The following BSND variants were observed in gnomAD, a reference collection of about 807,000 sequenced individuals.
BSND encodes barttin CLCNK type accessory subunit beta.
BSND carries 13 observed loss-of-function variants against 18.8 expected under a neutral mutation model. The ratio of observed to expected loss-of-function variants is 0.69; its 90% CI spans 0.45 to 1.10. The LOEUF (loss-of-function observed/expected upper bound fraction) is 1.10. Ranked by LOEUF, BSND falls within the 50% of genes least tolerant of loss-of-function variation. The probability of loss-of-function intolerance (pLI) is 0.00; values close to 1 mark genes in which losing one functional copy is unlikely to be tolerated. For missense variants in BSND, 379 were observed against 416.7 expected (o/e 0.91, Z 0.79); for synonymous variants, 170 against 161.8 (o/e 1.05, Z -0.39).
At position 55,008,709 on chromosome 1, in the gene BSND, G is replaced by A; in HGVS notation, c.*81G>A. On this transcript the variant is annotated 3_prime_UTR_variant, in exon 4 of 4. Transcript: ENST00000651561. ...TCACAGGGCCTCAGTTTCCCTATCTGCAAAATGGGATGATATGGAGGTTCA... is the reference window on the plus strand; with the variant it reads ...TCACAGGGCCTCAGTTTCCCTATCTACAAAATGGGATGATATGGAGGTTCA... The A allele has an allele frequency of 6.3e-7, 1 of 1,597,614 alleles. No homozygotes were observed. The highest frequency in any genetic ancestry group is 8.6e-7 in the Non-Finnish European group (1 of 1,167,138).
In BSND at chr1:54,999,209, G is replaced by A. The variant is rs74315288; in HGVS notation, c.23G>A (p.Arg8Gln). ...GCCATGGCTGACGAGAAGACCTTCC[G>A]GATCGGCTTCATTGTGCTGGGGCTT... MADEKTFRIGFIVLGLFL... is the reference protein window; with the variant it reads MADEKTFQIGFIVLGLFL... The change falls in exon 1 of 4, where the codon CGG becomes CAG. Residue 8 changes from arginine to glutamine, a missense_variant. By Grantham distance (43) the Arg-to-Gln change is conservative. Transcript: ENST00000651561. 146 of 1,614,012 alleles carry A rather than the reference G, an allele frequency of 9.0e-5. 1 individual carries two copies. The highest frequency in any genetic ancestry group is 5.3e-4 in the South Asian group (48 of 91,092).
In BSND at chr1:55,008,932, C is replaced by CCTTCCTT. The variant is rs201836233; in HGVS notation, c.*305_*311dup. Reference sequence around the variant, plus strand: ...CCCCAAAGCTGACCTCTGAGAGGAACCTTCCTTGGTGCTCCCTCTGGGCCC... The same window carrying CCTTCCTT: ...CCCCAAAGCTGACCTCTGAGAGGAACCTTCCTTCTTCCTTGGTGCTCCCTCTGGGCCC... On this transcript the variant is annotated 3_prime_UTR_variant, in exon 4 of 4. Transcript: ENST00000651561. 4.1e-3 allele frequency: 1,848 copies of CCTTCCTT among 455,366 alleles called. 34 individuals carry two copies. The highest frequency in any genetic ancestry group is 0.033 in the African/African-American group (1,682 of 50,454). 28.2% of individuals were successfully genotyped at this position (455,366 alleles called of 1,614,324 possible). A position where few individuals can be genotyped will look rare whatever the true frequency, so the allele number is the denominator to read the frequency against.
intron 2 of BSND, among the ~76,000 whole-genome samples, chr1:55,005,762 G>T (rs973721693): frequency 6.6e-6 from 1 of 152,232 alleles, no homozygotes; most frequent in African/African-American, 2.4e-5. Flanking sequence ...CCTGTAAGGT[G>T]GGGGTGTTAG....
intron 1 of BSND, among the ~76,000 whole-genome samples, chr1:55,001,468 C>A (rs1644361511): frequency 6.6e-6 from 1 of 152,068 alleles, no homozygotes; most frequent in Admixed American, 6.5e-5. Context: ...AGAGGCGAAG[C>A]TCCCTGGATC....
rs1201403079 is a variant in BSND at position 55,008,596 on chromosome 1, G to A, written c.931G>A (p.Glu311Lys). The change falls in exon 4 of 4, where the codon GAG becomes AAG. Residue 311 changes from glutamate (E) to lysine (K), a missense_variant. Transcript: ENST00000651561. ...AGCCGGGGACCTCCTCCCGGACAAG[G>A]AGCTGGGTTTTGAGCCTGACACCCA... ...DGAGDLLPDK[E>K]LGFEPDTQG The A allele has an allele frequency of 1.2e-6, 2 of 1,614,052 alleles. No individual in the cohort carries two copies. Among genetic ancestry groups the A allele is most frequent in the Non-Finnish European group, 1.7e-6 (2 of 1,180,044 alleles).
At position 55,012,990 on chromosome 1, in the gene BSND, CA is replaced by C. The variant is rs1008939867; in HGVS notation, c.*4363del. Among the ~76,000 whole-genome samples the C allele has an allele frequency of 3.3e-5, 5 of 152,090 alleles. No individual in the cohort carries two copies. Among genetic ancestry groups the C allele is most frequent in the African/African-American group, 1.2e-4 (5 of 41,398 alleles). On this transcript the variant is annotated 3_prime_UTR_variant, in exon 4 of 4. Transcript: ENST00000651561. ...ATCTGCCCTGAGAGATGGGTATTAC[CA>C]GGGGAGAAACTGATATTCAAACATA...
Position 55,009,586 on chromosome 1 carries a change from C to T in BSND, c.*958C>T, listed in dbSNP as rs1644411573. The T allele has an allele frequency of 6.6e-6, 1 of 152,224 alleles. No homozygotes were observed. The highest frequency in any genetic ancestry group is 2.4e-5 in the African/African-American group (1 of 41,440). The allele number at this position is 152,224 out of a possible 1,614,324, so 9.4% of individuals were successfully genotyped here. A position where few individuals can be genotyped will look rare whatever the true frequency, so the allele number is the denominator to read the frequency against. ...GTTCCCAACTTTTAGACTCACAGCC[C>T]TCTTACTTCCCAGCATTCAAACTTC... On this transcript the variant is annotated 3_prime_UTR_variant, in exon 4 of 4. Transcript: ENST00000651561.
chr1:55,001,789 T>A (rs1005084541), intron 1 of BSND, among the ~76,000 whole-genome samples: 2 of 150,162 alleles, frequency 1.3e-5, no homozygotes, highest in Admixed American at 1.3e-4. Flanking sequence ...GAGATAAGAG[T>A]TCACCAAGCA....
chr1:55,011,253 C>A lies in BSND; in HGVS notation c.*2625C>A, dbSNP rs1486409044. On this transcript the variant is annotated 3_prime_UTR_variant, in exon 4 of 4. Transcript: ENST00000651561. ...TGCTGCATGATGGGGAGACCACACA[C>A]CTGATCTGCCCAGGAAGGTCCCGGT... The A allele has an allele frequency of 6.6e-6, 1 of 152,240 alleles. No individual in the cohort carries two copies. The highest frequency in any genetic ancestry group is 1.5e-5 in the Non-Finnish European group (1 of 68,066). 9.4% of individuals were successfully genotyped at this position (152,240 alleles called of 1,614,324 possible).
rs1241555165 is a variant in BSND, at chr1:55,013,028, C to T, written c.*4400C>T. The stretch of plus-strand genomic sequence containing the variant: ...GATATTCAAACATAGGTCCTCTGAG[C>T]CTGTGCTCTTCCCACGATGCCACCT... On this transcript the variant is annotated 3_prime_UTR_variant, in exon 4 of 4. Transcript: ENST00000651561. Among the ~76,000 whole-genome samples, 1 of 151,440 alleles carries T rather than the reference C, an allele frequency of 6.6e-6. No individual in the cohort carries two copies. The highest frequency in any genetic ancestry group is 2.4e-5 in the African/African-American group (1 of 40,834).
At position 55,016,483 on chromosome 1, in the gene BSND, T is replaced by A. The variant is rs1644452013; in HGVS notation, c.*7855T>A. Among the ~76,000 whole-genome samples, 1 of 152,262 alleles carries A rather than the reference T, an allele frequency of 6.6e-6. No individual in the cohort carries two copies. The highest frequency in any genetic ancestry group is 1.5e-5 in the Non-Finnish European group (1 of 68,052). On this transcript the variant is annotated 3_prime_UTR_variant, in exon 4 of 4. Transcript: ENST00000651561. The stretch of plus-strand genomic sequence containing the variant: ...GGAACAGAGCTCTTTCTGACGTTGC[T>A]GATGTGAATGGGAGTGGTGGCAGCT...
chr1:55,006,026 C>A (rs1298284314), intron 2 of BSND, among the ~76,000 whole-genome samples: 1 of 152,232 alleles, frequency 6.6e-6, no homozygotes, highest in Non-Finnish European at 1.5e-5. Flanking sequence ...GCAGTGGGAC[C>A]ACCAACCCCC....
rs750227639 is a variant in BSND, at chr1:55,008,572, G to T, written c.907G>T (p.Ala303Ser). The T allele has an allele frequency of 2.5e-6, 4 of 1,614,050 alleles. No homozygotes were observed. The South Asian group carries it at 3.3e-5, about 13-fold the overall frequency. ...EDLYYGLPDG[A>S]GDLLPDKELG... ...CCTGTACTATGGGCTGCCAGATGGA[G>T]CCGGGGACCTCCTCCCGGACAAGGA... Residue 303 changes from alanine (A) to serine (S), a missense_variant, in exon 4 of 4, where the codon GCC becomes TCC. Transcript: ENST00000651561.
At chr1:55,004,838 G>T (rs1353663971) in intron 1 of BSND, among the ~76,000 whole-genome samples, 184 bp from the exon 2 acceptor site, 1 of 152,234 alleles carries the variant, frequency 6.6e-6, no homozygotes, top group African/African-American at 2.4e-5. Flanking sequence ...GGGAGCAGGA[G>T]CACAGAGGTC....
rs1644425216 is a variant in BSND at position 55,012,137 on chromosome 1, G to A, written c.*3509G>A. ...GGGCAAGGGAAGGCAGGGGGCCCAGGGGCAGGGAACCTGGGCTCTGCCGAC... is the reference window on the plus strand; with the variant it reads ...GGGCAAGGGAAGGCAGGGGGCCCAGAGGCAGGGAACCTGGGCTCTGCCGAC... On this transcript the variant is annotated 3_prime_UTR_variant, in exon 4 of 4. Coordinates refer to ENST00000651561, the MANE Select transcript of BSND (RefSeq NM_057176.3). Among the ~76,000 whole-genome samples the A allele has an allele frequency of 6.6e-6, 1 of 152,188 alleles. No homozygotes were observed. Among genetic ancestry groups the A allele is most frequent in the Admixed American group, 6.5e-5 (1 of 15,288 alleles).
rs543973145 is a variant in BSND at position 55,014,584 on chromosome 1, G to A, written c.*5956G>A. Among the ~76,000 whole-genome samples the A allele has an allele frequency of 1.2e-4, 19 of 152,336 alleles. No individual in the cohort carries two copies. Among genetic ancestry groups the A allele is most frequent in the African/African-American group, 3.8e-4 (16 of 41,576 alleles). ...GCACCTGGGTCGTTCAAGCCTACAA[G>A]CACTGTGTCATCCAAGCACATGTAT... On this transcript the variant is annotated 3_prime_UTR_variant, in exon 4 of 4. Transcript: ENST00000651561.
rs182242311 is a variant in BSND at position 55,017,118 on chromosome 1, T to C, written c.*8490T>C. Among the ~76,000 whole-genome samples, 2 of 152,246 alleles carry C rather than the reference T, an allele frequency of 1.3e-5. No individual in the cohort carries two copies. The highest frequency in any genetic ancestry group is 6.5e-5 in the Admixed American group (1 of 15,286). On this transcript the variant is annotated 3_prime_UTR_variant, in exon 4 of 4. Transcript: ENST00000651561. ...ATTACGTTCATTATTGTGCCCTCAG[T>C]GCTTAGTTAAGTTCCTGGAACACAG...
rs1422247306 is a variant in BSND at position 55,008,770 on chromosome 1, A to T, written c.*142A>T. On this transcript the variant is annotated 3_prime_UTR_variant, in exon 4 of 4. Transcript: ENST00000651561. ...GGCATTTTGAGAATGGTAAAGAAAT[A>T]CACAGGGAGGGGATGATGACTATTA... 1.7e-5 allele frequency: 21 copies of T among 1,251,836 alleles called. No individual in the cohort carries two copies. The highest frequency in any genetic ancestry group is 3.4e-6 in the Non-Finnish European group (3 of 877,068). The allele number at this position is 1,251,836 out of a possible 1,614,324, so 77.5% of individuals were successfully genotyped here.
Position 55,014,860 on chromosome 1 carries a change from A to G in BSND, c.*6232A>G, listed in dbSNP as rs1394566211. Among the ~76,000 whole-genome samples the G allele has an allele frequency of 6.6e-6, 1 of 152,174 alleles. No individual in the cohort carries two copies. The highest frequency in any genetic ancestry group is 1.9e-4 in the East Asian group (1 of 5,186). Reference sequence around the variant, plus strand: ...TGGTAGGCAACCCAGAAGAGGTGGGAGTTGCAAGCCAGGACTTAAAACAGT... The same window carrying G: ...TGGTAGGCAACCCAGAAGAGGTGGGGGTTGCAAGCCAGGACTTAAAACAGT... On this transcript the variant is annotated 3_prime_UTR_variant, in exon 4 of 4. Transcript: ENST00000651561.
Sources: allele counts gnomAD v4.1 joint callset (sites outside exome capture counted in the v4.1 genomes callset), GRCh38; gene constraint gnomAD v4.1.1; transcripts MANE v1.5; gene names NCBI Gene and HGNC (gene_info 2026-07-23, HGNC 2026-07-21).